The following DPP6 variants were observed in gnomAD, a reference collection of about 807,000 sequenced individuals.
DPP6 encodes the protein dipeptidyl peptidase like 6.
DPP6 carries 69 observed loss-of-function variants against 122.6 expected under a neutral mutation model. The observed-to-expected ratio is 0.56, with a 90% CI of 0.46 to 0.69. The LOEUF is 0.69. Ranked by LOEUF, DPP6 falls within the 30% of genes least tolerant of loss-of-function variation. The pLI is 0.00. For missense variants in DPP6, 928 were observed against 1,116.9 expected, an observed-to-expected ratio of 0.83 and a Z score of 2.41; for synonymous variants, 418 against 433.1, an observed-to-expected ratio of 0.97 and a Z score of 0.43.
intron 20 of DPP6, among the ~76,000 whole-genome samples, chr7:154,878,851 C>A (rs1805103130): frequency 6.6e-6 from 1 of 152,248 alleles, no homozygotes; most frequent in Admixed American, 6.5e-5. Context: ...TGTGTACACA[C>A]ACAGACACCC....
At chr7:154,858,458 G>C (rs1040178459) in intron 17 of DPP6, 2 of 152,508 alleles carry the variant, frequency 1.3e-5, no homozygotes, top group Non-Finnish European at 1.5e-5. Flanking sequence ...TGCAAATCCA[G>C]AGCGATGCCC....
At chr7:154,008,664 T>C (rs981478277) in intron 1 of DPP6, among the ~76,000 whole-genome samples, 16 of 141,300 alleles carry the variant, frequency 1.1e-4, no homozygotes, top group South Asian at 4.6e-4. Flanking sequence ...TTTTCTTTTT[T>C]TTTTTTTTTT....
intron 1 of DPP6, among the ~76,000 whole-genome samples, chr7:154,015,502 G>A (rs1424607976): frequency 6.6e-6 from 1 of 152,072 alleles, no homozygotes; most frequent in Non-Finnish European, 1.5e-5. Context: ...TGTCTAACAT[G>A]TGCTCGCTTA....
intron 1 of DPP6, among the ~76,000 whole-genome samples, chr7:154,376,023 C>T (rs966122395): frequency 2.0e-5 from 3 of 152,194 alleles, no homozygotes; most frequent in East Asian, 1.9e-4. Flanking sequence ...CCACTGACCC[C>T]ACCACTGGTA....
At position 154,760,110 on chromosome 7, in the gene DPP6, G is replaced by A. The variant is rs767787320; in HGVS notation, c.884-9307G>A. Reference sequence around the variant, plus strand: ...TGCACTCCAGCCTAGGTGACAGAGCGAGATTCTGTCTCAAAACAAAAAAAA... The same window carrying A: ...TGCACTCCAGCCTAGGTGACAGAGCAAGATTCTGTCTCAAAACAAAAAAAA... On this transcript the variant is annotated intron_variant, in intron 8 of 25. Transcript: ENST00000377770. This position sits in a 1 kb window ranked among gnomAD's most constrained non-coding sequence, Gnocchi z 4.5. Among the ~76,000 whole-genome samples, 2 of 152,162 alleles carry A rather than the reference G, an allele frequency of 1.3e-5. No homozygotes were observed. Among genetic ancestry groups the A allele is most frequent in the African/African-American group, 4.8e-5 (2 of 41,420 alleles).
intron 1 of DPP6, among the ~76,000 whole-genome samples, chr7:154,226,876 ATC>A (rs1396160360): frequency 2.0e-5 from 3 of 152,188 alleles, no homozygotes; most frequent in Non-Finnish European, 2.9e-5. Context: ...ATCTCCTTGA[ATC>A]TCTCTTTTAC....
intron 1 of DPP6, among the ~76,000 whole-genome samples, chr7:154,300,596 A>G (rs377231129): frequency 6.6e-6 from 1 of 152,106 alleles, no homozygotes; most frequent in African/African-American, 2.4e-5. Flanking sequence ...CTCCCGCCCA[A>G]GCACTTTGGA....
intron 17 of DPP6, among the ~76,000 whole-genome samples, chr7:154,856,533 C>T (rs1802845655): frequency 6.6e-6 from 1 of 152,132 alleles, no homozygotes; most frequent in Non-Finnish European, 1.5e-5. Context: ...AAGAGAGTCC[C>T]AGTAAGAATT....
At chr7:154,228,032 C>T (rs1207162445) in intron 1 of DPP6, among the ~76,000 whole-genome samples, 5 of 152,072 alleles carry the variant, frequency 3.3e-5, no homozygotes, top group Non-Finnish European at 7.4e-5. Flanking sequence ...TTCATTATTC[C>T]ACTGGTAACA....
chr7:154,315,633 A>G (rs1807369364), intron 1 of DPP6, among the ~76,000 whole-genome samples: 1 of 152,108 alleles, frequency 6.6e-6, no homozygotes, highest in Non-Finnish European at 1.5e-5. Flanking sequence ...GGGCTGTGCT[A>G]GGGAGGCACA....
At chr7:154,330,078 G>T (rs1451371487) in intron 1 of DPP6, among the ~76,000 whole-genome samples, 1 of 152,206 alleles carries the variant, frequency 6.6e-6, no homozygotes, top group African/African-American at 2.4e-5. Flanking sequence ...AATACCTAAT[G>T]CATGCAGGGC....
chr7:154,645,566 C>T (rs887111320), intron 6 of DPP6, among the ~76,000 whole-genome samples: 1 of 152,106 alleles, frequency 6.6e-6, no homozygotes, highest in Non-Finnish European at 1.5e-5. Flanking sequence ...GGCGTAAATC[C>T]CCAGTCTTCG....
chr7:154,713,476 G>A (rs10247616), intron 7 of DPP6, among the ~76,000 whole-genome samples: 114,869 of 152,162 alleles, frequency 0.75, 45,439 homozygotes, highest in Non-Finnish European at 0.88. Flanking sequence ...TGGACATCCT[G>A]GCATTTCCAT....
the DPP6 span, among the ~76,000 whole-genome samples, chr7:153,765,392 A>G: frequency 1.3e-5 from 2 of 152,052 alleles, no homozygotes; most frequent in Admixed American, 6.5e-5. Flanking sequence ...AATACAAAAA[A>G]TTAGCCAGGC....
chr7:154,132,463 C>T (rs867119067), intron 1 of DPP6, among the ~76,000 whole-genome samples: 4 of 152,114 alleles, frequency 2.6e-5, no homozygotes, highest in African/African-American at 9.7e-5. Context: ...TACCCCTTCA[C>T]CTCATTTACC....
chr7:154,669,771 G>A (rs963592715), intron 7 of DPP6, among the ~76,000 whole-genome samples: 3 of 152,228 alleles, frequency 2.0e-5, no homozygotes, highest in Non-Finnish European at 4.4e-5. Flanking sequence ...TAAAAGAACT[G>A]CAGATGAGAA....
At chr7:154,866,626 G>A (rs1405350754) in intron 17 of DPP6, among the ~76,000 whole-genome samples, 2 of 152,202 alleles carry the variant, frequency 1.3e-5, no homozygotes, top group Admixed American at 6.5e-5. Context: ...CACGTTTCTC[G>A]CATGCTACGT....
At chr7:153,825,305 C>T in the DPP6 span, among the ~76,000 whole-genome samples, 1 of 152,188 alleles carries the variant, frequency 6.6e-6, no homozygotes, top group Non-Finnish European at 1.5e-5. Context: ...TTATGAATCA[C>T]CTCCAAAGGC....
chr7:154,139,805 C>G (rs1225522023), intron 1 of DPP6, among the ~76,000 whole-genome samples: 1 of 152,212 alleles, frequency 6.6e-6, no homozygotes, highest in African/African-American at 2.4e-5. Flanking sequence ...TGCTGGAGCA[C>G]TACAACTAAG....
Sources: gnomAD v4.1 joint callset for allele counts (sites outside exome capture counted in the v4.1 genomes callset) on GRCh38, gnomAD v4.1.1 for gene constraint, Gnocchi (gnomAD v3.1) non-coding constraint, MANE v1.5 for transcripts, NCBI Gene and HGNC (gene_info 2026-07-23, HGNC 2026-07-21) for gene names.